Variants in HECW1 observed in about 807,000 individuals in gnomAD.
HECW1 encodes E3 ubiquitin-protein ligase HECW1.
Under a neutral mutation model 182.3 loss-of-function variants are expected in HECW1, and 61 were observed. That is an observed-to-expected ratio of 0.33 (90% CI 0.27 to 0.41). HECW1 has a LOEUF of 0.41. HECW1 is among the 10% of genes least tolerant of loss of function. HECW1 has a pLI of 1.00. For missense variants in HECW1, 1,739 were observed against 2,108.9 expected (o/e 0.82, Z 3.44); for synonymous variants, 859 against 832.6 (o/e 1.03, Z -0.55).
chr7:43,404,653 T>G (rs895350410), intron 7 of HECW1, among the ~76,000 whole-genome samples: 8 of 152,188 alleles, frequency 5.3e-5, no homozygotes, highest in Admixed American at 4.6e-4. Context: ...GTTGACATTT[T>G]TATAAAAAGA....
intron 21 of HECW1, among the ~76,000 whole-genome samples, chr7:43,501,836 A>G (rs1358018195): frequency 6.6e-6 from 1 of 152,188 alleles, no homozygotes; most frequent in Non-Finnish European, 1.5e-5. Flanking sequence ...ATCTAAAAAA[A>G]AATAAAAAAG....
intron 2 of HECW1, among the ~76,000 whole-genome samples, chr7:43,211,306 G>T (rs1367851669): frequency 1.3e-5 from 2 of 152,166 alleles, no homozygotes; most frequent in African/African-American, 2.4e-5. Context: ...AAATAAAACT[G>T]CTTTTGGCTT....
intron 2 of HECW1, among the ~76,000 whole-genome samples, chr7:43,129,660 A>G (rs1213079325): frequency 6.6e-6 from 1 of 152,188 alleles, no homozygotes; most frequent in Non-Finnish European, 1.5e-5. Context: ...CAAAATAACC[A>G]TCTGTAATGC....
intron 2 of HECW1, among the ~76,000 whole-genome samples, chr7:43,228,751 T>C (rs982890390): frequency 6.6e-6 from 1 of 152,208 alleles, no homozygotes; most frequent in Non-Finnish European, 1.5e-5. Context: ...AATCTACGTG[T>C]CCAAAATGGT....
intron 18 of HECW1, 32 bp from the exon 19 acceptor site, chr7:43,493,052 C>T (rs756559417): frequency 9.2e-5 from 137 of 1,485,902 alleles, no homozygotes; most frequent in Admixed American, 1.7e-4. Context: ...GGGCTGCAGA[C>T]TCAACCACAA....
intron 2 of HECW1, among the ~76,000 whole-genome samples, chr7:43,231,769 C>A (rs571703496): frequency 7.2e-5 from 11 of 152,132 alleles, no homozygotes; most frequent in Admixed American, 6.5e-4. Context: ...GTAATCCCAG[C>A]ACTTTGGGAG....
intron 15 of HECW1, 28 bp downstream of exon 15, chr7:43,466,596 G>C (rs749267968): frequency 6.2e-7 from 1 of 1,605,638 alleles, no homozygotes; most frequent in Non-Finnish European, 8.5e-7. Flanking sequence ...CAGAGGGGGC[G>C]GCCTGGCTCG....
chr7:43,444,773 C>T lies in HECW1; in HGVS notation c.1601C>T (p.Pro534Leu). The change falls in exon 11 of 30, where the codon CCC (proline) becomes CTC (leucine). Residue 534 changes from proline to leucine, a missense_variant. Transcript: ENST00000395891. The surrounding 1 kb of genome is among the most constrained non-coding windows in gnomAD (Gnocchi z 4.3). The stretch of plus-strand genomic sequence containing the variant: ...GCCTCGGTGAAGAGAAAAAGCAGGC[C>T]CTGCTCCTTGCCTGTGTCCGAGCTG... ...LRASVKRKSR[P>L]CSLPVSELET... 2 of 1,614,108 alleles carry T rather than the reference C, an allele frequency of 1.2e-6. No individual in the cohort carries two copies. The highest frequency in any genetic ancestry group is 2.7e-5 in the African/African-American group (2 of 75,062).
At chr7:43,456,474 C>T in intron 13 of HECW1, 27 bp downstream of exon 13, 2 of 1,595,636 alleles carry the variant, frequency 1.3e-6, no homozygotes, top group Non-Finnish European at 1.7e-6. Context: ...CAATGAGCTC[C>T]CCTAAACCAC....
At chr7:43,222,568 T>C (rs1009314357) in intron 2 of HECW1, among the ~76,000 whole-genome samples, 1 of 152,186 alleles carries the variant, frequency 6.6e-6, no homozygotes, top group Non-Finnish European at 1.5e-5. Flanking sequence ...CATATTTTCT[T>C]CAGCTGCTAC....
chr7:43,403,214 A>T (rs1398626745), intron 7 of HECW1, among the ~76,000 whole-genome samples: 1 of 152,234 alleles, frequency 6.6e-6, no homozygotes, highest in Non-Finnish European at 1.5e-5. Flanking sequence ...TCATGTATAC[A>T]TAGGAGATAC....
intron 2 of HECW1, among the ~76,000 whole-genome samples, chr7:43,236,481 T>C (rs1018714488): frequency 6.6e-6 from 1 of 152,156 alleles, no homozygotes; most frequent in Non-Finnish European, 1.5e-5. Context: ...TTGTACATTT[T>C]AGGGAGACAT....
chr7:43,562,038 T>A lies in HECW1; in HGVS notation c.*112T>A. ...CTCCTTTGATTTTGGTATTCCATGA[T>A]TTTTATTTTCAAACCAAATCAGGAT... is the stretch of plus-strand genomic sequence containing the variant. On this transcript the variant is annotated 3_prime_UTR_variant, in exon 30 of 30. Transcript: ENST00000395891. The A allele has an allele frequency of 1.5e-6, 1 of 662,082 alleles. No homozygotes were observed. Among genetic ancestry groups the A allele is most frequent in the Non-Finnish European group, 2.7e-6 (1 of 373,620 alleles). 41.0% of individuals were successfully genotyped at this position (662,082 alleles called of 1,614,324 possible). A position where few individuals can be genotyped will look rare whatever the true frequency, so the allele number is the denominator to read the frequency against.
chr7:43,160,305 T>A (rs1012687089), intron 2 of HECW1, among the ~76,000 whole-genome samples: 1 of 152,248 alleles, frequency 6.6e-6, no homozygotes, highest in Non-Finnish European at 1.5e-5. Context: ...TAATTTTTTT[T>A]ATGCAAATAC....
intron 2 of HECW1, among the ~76,000 whole-genome samples, chr7:43,218,723 G>C (rs1796664890): frequency 6.6e-6 from 1 of 152,196 alleles, no homozygotes; most frequent in Non-Finnish European, 1.5e-5. Context: ...CATGGTTTAA[G>C]AGGTTCATTA....
chr7:43,255,643 C>G (rs1184633533), intron 3 of HECW1, among the ~76,000 whole-genome samples: 1 of 149,980 alleles, frequency 6.7e-6, no homozygotes, highest in African/African-American at 2.5e-5. Flanking sequence ...ATGTATTTTT[C>G]AACAGATTTA....
At chr7:43,410,298 G>A (rs1280842000) in intron 8 of HECW1, among the ~76,000 whole-genome samples, 4 of 152,238 alleles carry the variant, frequency 2.6e-5, no homozygotes, top group African/African-American at 9.6e-5. Context: ...CTTTGGGGAT[G>A]CAGATGGCTG....
At chr7:43,139,028 C>T (rs1282122984) in intron 2 of HECW1, among the ~76,000 whole-genome samples, 1 of 152,144 alleles carries the variant, frequency 6.6e-6, no homozygotes, top group Non-Finnish European at 1.5e-5. Context: ...AGTATTTTAG[C>T]ATTGTTTTAA....
At chr7:43,226,136 T>C (rs1158162804) in intron 2 of HECW1, among the ~76,000 whole-genome samples, 1 of 152,218 alleles carries the variant, frequency 6.6e-6, no homozygotes, top group East Asian at 1.9e-4. Flanking sequence ...AAATTCAAAA[T>C]GCCACTAAAT....
Sources: allele counts gnomAD v4.1 joint callset (sites outside exome capture counted in the v4.1 genomes callset), GRCh38; gene constraint gnomAD v4.1.1; non-coding constraint Gnocchi (gnomAD v3.1); transcripts MANE v1.5; gene names NCBI Gene and HGNC (gene_info 2026-07-23, HGNC 2026-07-21).